The following SERPINA12 variants were observed in gnomAD, a reference collection of about 807,000 sequenced individuals.
The protein encoded by SERPINA12 is serpin family A member 12.
A neutral mutation model predicts 25.9 loss-of-function variants in SERPINA12; 21 were observed. That is an observed-to-expected ratio of 0.81 (90% CI 0.58 to 1.17). The LOEUF (loss-of-function observed/expected upper bound fraction) is 1.17. SERPINA12 is among the 50% of genes most tolerant of loss of function. The pLI, the probability that SERPINA12 is intolerant of heterozygous loss-of-function variation, is 0.00. For synonymous variants in SERPINA12, 220 were observed against 196.0 expected, an observed-to-expected ratio of 1.12 and a Z score of -1.02; for missense variants, 562 against 508.3, an observed-to-expected ratio of 1.11 and a Z score of -1.02.
At chr14:94,505,285 G>T (rs915365514) in intron 1 of SERPINA12, among the ~76,000 whole-genome samples, 1 of 152,108 alleles carries the variant, frequency 6.6e-6, no homozygotes, top group Non-Finnish European at 1.5e-5. Flanking sequence ...TCATTCCCAG[G>T]CCTGGTTCAG....
chr14:94,497,961 G>A lies in SERPINA12; in HGVS notation c.437C>T (p.Pro146Leu). Residue 146 changes from proline to leucine, a missense_variant, in exon 2 of 5, where the codon CCA (proline) becomes CTA (leucine). Transcript: ENST00000677451. ...GGCATCTTCCAAAAACTTACGCTGT[G>A]GCTGCAGCCTCTGGTCAATGAACAG... ...NTLFIDQRLQ[P>L]QRKFLEDAKN... 1 of 1,614,182 alleles carries A rather than the reference G, an allele frequency of 6.2e-7. No individual in the cohort carries two copies. The highest frequency in any genetic ancestry group is 2.2e-5 in the East Asian group (1 of 44,886).
chr14:94,487,328 T>C lies in SERPINA12; in HGVS notation c.1220A>G (p.Lys407Arg). The C allele has an allele frequency of 1.2e-6, 2 of 1,614,008 alleles. No individual in the cohort carries two copies. Among genetic ancestry groups the C allele is most frequent in the Non-Finnish European group, 1.7e-6 (2 of 1,179,966 alleles). The change falls in exon 5 of 5, where the codon AAG becomes AGG. Residue 407 changes from lysine to arginine, a missense_variant. Transcript: ENST00000677451. ...TTATTTTCCAATAGGGTTAACAATC[T>C]TTCCCAGGAAGAGCACGGAAGGTAT... Reference protein sequence around the residue: ...EKIPSVLFLGKIVNPIGK With the variant: ...EKIPSVLFLGRIVNPIGK
chr14:94,495,781 A>T (rs1037497007), intron 3 of SERPINA12, among the ~76,000 whole-genome samples: 2 of 152,188 alleles, frequency 1.3e-5, no homozygotes, highest in African/African-American at 2.4e-5. Flanking sequence ...AGTCCCCAAG[A>T]CTTAAACCCA....
chr14:94,498,370 A>T lies in SERPINA12; in HGVS notation c.28T>A (p.Phe10Ile). MNPTLGLAI[F>I]LAVLLTVKGL... The stretch of plus-strand genomic sequence containing the variant: ...TTCACCGTGAGGAGAACAGCCAGAA[A>T]AATGGCCAGGCCTAGTGTGGGGTTC... The change falls in exon 2 of 5, where the codon TTT becomes ATT. Residue 10 changes from phenylalanine to isoleucine, a missense_variant. Transcript: ENST00000677451. 1.9e-6 allele frequency: 3 copies of T among 1,614,124 alleles called. No homozygotes were observed. The highest frequency in any genetic ancestry group is 2.5e-6 in the Non-Finnish European group (3 of 1,179,994).
chr14:94,512,695 G>A (rs1227666271), upstream of SERPINA12, among the ~76,000 whole-genome samples: 1 of 152,118 alleles, frequency 6.6e-6, no homozygotes, highest in Non-Finnish European at 1.5e-5. Flanking sequence ...GAATGGATCA[G>A]ACAGCAAAAA....
At chr14:94,501,903 G>A (rs550082419) in intron 1 of SERPINA12, among the ~76,000 whole-genome samples, 1 of 152,258 alleles carries the variant, frequency 6.6e-6, no homozygotes, top group African/African-American at 2.4e-5. Flanking sequence ...TGGGTTAGAT[G>A]CCTGAGTAGG....
intron 1 of SERPINA12, among the ~76,000 whole-genome samples, chr14:94,499,593 T>G (rs1002194663): frequency 1.3e-5 from 2 of 152,248 alleles, no homozygotes; most frequent in African/African-American, 4.8e-5. Context: ...ATTTATATCT[T>G]ACATGTCTGT....
upstream of SERPINA12, chr14:94,511,542 C>G: frequency 2.0e-6 from 2 of 985,434 alleles, no homozygotes; most frequent in Non-Finnish European, 2.4e-6. Flanking sequence ...GGATGGCTCA[C>G]TCTAGTATTT....
At chr14:94,516,477 G>A (rs1901237226) in intron 1 of SERPINA12, among the ~76,000 whole-genome samples, 4 of 152,214 alleles carry the variant, frequency 2.6e-5, no homozygotes, top group African/African-American at 7.2e-5. Context: ...AGGGCTGGAA[G>A]AGCCCTTGGC....
chr14:94,490,591 C>A (rs1900135422), intron 3 of SERPINA12, among the ~76,000 whole-genome samples: 1 of 151,996 alleles, frequency 6.6e-6, no homozygotes. Flanking sequence ...GTGACCCTAT[C>A]CTCAAAAACT....
At chr14:94,507,707 A>T (rs1451215552) in intron 1 of SERPINA12, among the ~76,000 whole-genome samples, 1 of 152,236 alleles carries the variant, frequency 6.6e-6, no homozygotes, top group Non-Finnish European at 1.5e-5. Flanking sequence ...GAGGACGTGG[A>T]GCAAGTGGAA....
At chr14:94,491,181 T>C (rs1485777521) in intron 3 of SERPINA12, among the ~76,000 whole-genome samples, 1 of 152,208 alleles carries the variant, frequency 6.6e-6, no homozygotes, top group South Asian at 2.1e-4. Flanking sequence ...CCCCTGACTG[T>C]GTGTTCTAGC....
intron 4 of SERPINA12, among the ~76,000 whole-genome samples, chr14:94,487,730 G>A (rs751890501): frequency 1.6e-4 from 24 of 152,144 alleles, no homozygotes; most frequent in Non-Finnish European, 3.1e-4. Flanking sequence ...TACGGGAGTC[G>A]GTGGGGGGAG....
At chr14:94,496,722 C>T in intron 2 of SERPINA12, 79 bp from the exon 3 acceptor site, 1 of 1,200,942 alleles carries the variant, frequency 8.3e-7, no homozygotes, top group East Asian at 2.3e-5. Context: ...AGTAGTCTCT[C>T]TCCACACAGA....
chr14:94,496,621 A>G lies in SERPINA12; in HGVS notation c.657T>C (p.Asp219=), dbSNP rs377516864. The change falls in exon 3 of 5, where the codon GAT becomes GAC. Residue 219 remains aspartate, a synonymous_variant. Coordinates refer to ENST00000677451, the MANE Select transcript of SERPINA12 (RefSeq NM_001382267.1). The part of the protein sequence containing the change: ...FFRARWKHEF[D]PNVTKEEDFF... Reference sequence around the variant, plus strand: ...AATCTTCCTCTTTAGTTACATTTGGATCAAACTCATGTTTCCACCTGGCTT... The same window carrying G: ...AATCTTCCTCTTTAGTTACATTTGGGTCAAACTCATGTTTCCACCTGGCTT... The G allele has an allele frequency of 2.5e-6, 4 of 1,614,054 alleles. No homozygotes were observed. The highest frequency in any genetic ancestry group is 1.3e-5 in the African/African-American group (1 of 75,032).
intron 1 of SERPINA12, among the ~76,000 whole-genome samples, chr14:94,506,288 A>G (rs1042022281): frequency 1.3e-5 from 2 of 152,216 alleles, no homozygotes; most frequent in African/African-American, 4.8e-5. Context: ...TGGATCTCCC[A>G]GATGGAAGAA....
chr14:94,511,954 T>C (rs1901123006), upstream of SERPINA12, among the ~76,000 whole-genome samples: 1 of 152,010 alleles, frequency 6.6e-6, no homozygotes, highest in South Asian at 2.1e-4. Context: ...AAAAATTAGC[T>C]GGGAGTGGTG....
intron 3 of SERPINA12, among the ~76,000 whole-genome samples, chr14:94,495,732 G>C (rs1397295999): frequency 6.6e-6 from 1 of 152,246 alleles, no homozygotes; most frequent in Non-Finnish European, 1.5e-5. Context: ...CACTAGCCCA[G>C]CCACTTTCAA....
rs766102703 is a variant in SERPINA12 at position 94,489,659 on chromosome 14, G to A, written c.1014C>T (p.Leu338=). 2.5e-6 allele frequency: 4 copies of A among 1,614,196 alleles called. No individual in the cohort carries two copies. The highest frequency in any genetic ancestry group is 3.4e-6 in the Non-Finnish European group (4 of 1,180,034). ...GGCTGCGATGAGGGGCGATCTTGGT[G>A]AGATCACCATGTTCCTCAAAGATTT... ...VSKIFEEHGD[L]TKIAPHRSLK... Residue 338 remains leucine, a synonymous_variant, in exon 4 of 5, where the codon CTC becomes CTT. Coordinates refer to ENST00000677451, the MANE Select transcript of SERPINA12 (RefSeq NM_001382267.1).
Sources: allele counts gnomAD v4.1 joint callset (sites outside exome capture counted in the v4.1 genomes callset), GRCh38; gene constraint gnomAD v4.1.1; transcripts MANE v1.5; gene names NCBI Gene and HGNC (gene_info 2026-07-23, HGNC 2026-07-21).